The following ADGRA3 variants were observed in gnomAD, a reference collection of about 807,000 sequenced individuals.
The protein encoded by ADGRA3 is G-protein coupled receptor 125.
ADGRA3 carries 56 observed loss-of-function variants against 119.8 expected under a neutral mutation model. The ratio of observed to expected loss-of-function variants is 0.47; its 90% confidence interval spans 0.38 to 0.58. The LOEUF (loss-of-function observed/expected upper bound fraction) is 0.58, where lower values mean the gene tolerates loss of function less well. Ranked by LOEUF, ADGRA3 falls within the 20% of genes least tolerant of loss-of-function variation. ADGRA3 has a pLI of 0.00. For missense variants in ADGRA3, 1,516 were observed against 1,649.0 expected (o/e 0.92, Z 1.40); for synonymous variants, 607 against 623.8 (o/e 0.97, Z 0.40).
At chr4:22,407,726 T>C (rs1402277288) in intron 14 of ADGRA3, among the ~76,000 whole-genome samples, 1 of 152,210 alleles carries the variant, frequency 6.6e-6, no homozygotes, top group Non-Finnish European at 1.5e-5. Context: ...ACAAAGATGA[T>C]CATTACTAAG....
intron 1 of ADGRA3, among the ~76,000 whole-genome samples, chr4:22,509,527 A>G (rs1450603641): frequency 9.9e-5 from 15 of 150,980 alleles, no homozygotes; most frequent in Admixed American, 6.6e-4. Context: ...GAAAAGAAAA[A>G]AAAAAAGCAT....
At chr4:22,433,136 C>A (rs951205621) in intron 10 of ADGRA3, among the ~76,000 whole-genome samples, 2 of 152,128 alleles carry the variant, frequency 1.3e-5, no homozygotes, top group African/African-American at 2.4e-5. Flanking sequence ...CTCAATTATT[C>A]AATCCTGAAT....
chr4:22,455,700 C>G lies in ADGRA3; in HGVS notation c.402-763G>C. ...CCTCTTTATTTACTTTGCTTGACAT[C>G]AAGGACAATGAACACAATTTTATTT... On this transcript the variant is annotated intron_variant, in intron 3 of 18. Transcript: ENST00000334304. 5.7e-6 allele frequency: 3 copies of G among 530,768 alleles called. No individual in the cohort carries two copies. The East Asian group carries it at 2.2e-4, about 39-fold the overall frequency. The allele number at this position is 530,768 out of a possible 1,614,324, so 32.9% of individuals were successfully genotyped here.
chr4:22,455,135 C>T (rs760037038), intron 3 of ADGRA3, among the ~76,000 whole-genome samples, 198 bp from the exon 4 acceptor site: 11 of 152,198 alleles, frequency 7.2e-5, no homozygotes, highest in African/African-American at 2.2e-4. Context: ...ACTGCTGGCA[C>T]GCACAGACTC....
At chr4:22,438,547 TAAAAATGAATTTA>T in intron 7 of ADGRA3, 127 bp from the exon 8 acceptor site, 1 of 688,228 alleles carries the variant, frequency 1.5e-6, no homozygotes, top group East Asian at 2.7e-5. Flanking sequence ...ACTTGCTATA[TAAAAATGAATTTA>T]AAAAATGATT....
intron 15 of ADGRA3, 104 bp downstream of exon 15, chr4:22,402,571 G>C (rs1714710179): frequency 1.7e-6 from 2 of 1,153,038 alleles, no homozygotes; most frequent in African/African-American, 1.6e-5. Flanking sequence ...CCTTACTTTG[G>C]AAATACAGGA....
chr4:22,441,657 A>G (rs1716619575), intron 7 of ADGRA3, among the ~76,000 whole-genome samples: 1 of 152,194 alleles, frequency 6.6e-6, no homozygotes, highest in Non-Finnish European at 1.5e-5. Context: ...TGTCAGACCT[A>G]TAAACAATAC....
chr4:22,423,344 T>TA (rs933442724), intron 11 of ADGRA3, among the ~76,000 whole-genome samples: 1 of 152,000 alleles, frequency 6.6e-6, no homozygotes, highest in Non-Finnish European at 1.5e-5. Context: ...TGGTAACATC[T>TA]AAAAAAGGTC....
intron 2 of ADGRA3, among the ~76,000 whole-genome samples, chr4:22,471,280 A>G (rs1293252622): frequency 6.6e-6 from 1 of 152,080 alleles, no homozygotes; most frequent in Admixed American, 6.6e-5. Context: ...ATGAACACAA[A>G]GAAGGAAACA....
intron 10 of ADGRA3, among the ~76,000 whole-genome samples, chr4:22,428,677 C>T (rs1716040273): frequency 6.6e-6 from 1 of 152,122 alleles, no homozygotes; most frequent in African/African-American, 2.4e-5. Flanking sequence ...GAGATCATAC[C>T]TATTTCAAGG....
In ADGRA3 at chr4:22,515,989, A is replaced by T. The variant is rs907377781; in HGVS notation, c.-205T>A. On this transcript the variant is annotated 5_prime_UTR_variant, in exon 1 of 19. It removes an upstream start codon present in the reference 5' UTR. Transcript: ENST00000334304. The stretch of plus-strand genomic sequence containing the variant: ...CTAGGGAGCCGGGGGTCACGGCCGC[A>T]TGGGTCCCAGCGCCGCTCTACCGCC... 6 of 167,572 alleles carry T rather than the reference A, an allele frequency of 3.6e-5. No individual in the cohort carries two copies. Among genetic ancestry groups the T allele is most frequent in the Non-Finnish European group, 7.3e-5 (6 of 82,672 alleles). 10.4% of individuals were successfully genotyped at this position (167,572 alleles called of 1,614,324 possible).
chr4:22,422,977 C>A (rs1715770516), intron 11 of ADGRA3, among the ~76,000 whole-genome samples: 2 of 152,028 alleles, frequency 1.3e-5, no homozygotes, highest in Non-Finnish European at 1.5e-5. Context: ...GGGTGGATAG[C>A]TTGAGATCAG....
At chr4:22,443,773 A>G (rs1055199316) in intron 6 of ADGRA3, among the ~76,000 whole-genome samples, 1 of 152,200 alleles carries the variant, frequency 6.6e-6, no homozygotes, top group Admixed American at 6.5e-5. Context: ...GATGATACAA[A>G]AAGGTCTTAA....
intron 7 of ADGRA3, 29 bp from the exon 8 acceptor site, chr4:22,438,449 G>GA (rs1716482905): frequency 6.3e-7 from 1 of 1,587,628 alleles, no homozygotes; most frequent in African/African-American, 1.4e-5. Flanking sequence ...TAAAAAGAGA[G>GA]AAAATATAAT....
intron 2 of ADGRA3, among the ~76,000 whole-genome samples, chr4:22,469,767 C>T (rs534907097): frequency 6.6e-6 from 1 of 152,242 alleles, no homozygotes; most frequent in African/African-American, 2.4e-5. Context: ...TTTAAATTAC[C>T]TGAGACCTGA....
rs200208969 is a variant in ADGRA3 at position 22,388,632 on chromosome 4, C to G, written c.3039G>C (p.Gly1013=). ...LLLYVALWMF[G]ALAVSLYYPL... is the part of the protein sequence containing the mutation. ...GGTAATACAAAGAAACAGCCAAAGC[C>G]CCAAACATCCACAGTGCAACATATA... is the stretch of plus-strand genomic sequence containing the variant. The change falls in exon 19 of 19, where the codon GGG becomes GGC. Residue 1013 remains glycine, a synonymous_variant. Coordinates refer to ENST00000334304, the MANE Select transcript of ADGRA3 (RefSeq NM_145290.4). 3 of 1,613,964 alleles carry G rather than the reference C, an allele frequency of 1.9e-6. No individual in the cohort carries two copies. In the East Asian group the frequency reaches 6.7e-5, roughly 36 times the overall value.
At chr4:22,495,089 A>T (rs1577382322) in intron 1 of ADGRA3, among the ~76,000 whole-genome samples, 2 of 148,818 alleles carry the variant, frequency 1.3e-5, no homozygotes, top group African/African-American at 4.9e-5. Context: ...TCTCTCTCTC[A>T]AAATATCCTA....
chr4:22,436,251 G>C (rs987521960), intron 9 of ADGRA3, among the ~76,000 whole-genome samples, 189 bp downstream of exon 9: 1 of 151,580 alleles, frequency 6.6e-6, no homozygotes, highest in Admixed American at 6.6e-5. Context: ...TGCAAAGGAA[G>C]GATTCTATAG....
chr4:22,431,994 C>G (rs1417631046), intron 10 of ADGRA3, among the ~76,000 whole-genome samples: 2 of 152,002 alleles, frequency 1.3e-5, no homozygotes, highest in African/African-American at 2.4e-5. Context: ...TTTCCAAGAA[C>G]CTATAGATGA....
Sources: allele counts gnomAD v4.1 joint callset (sites outside exome capture counted in the v4.1 genomes callset), GRCh38; gene constraint gnomAD v4.1.1; transcripts MANE v1.5; gene names NCBI Gene and HGNC (gene_info 2026-07-23, HGNC 2026-07-21).